Variants in CIMIP2B observed in about 807,000 individuals in gnomAD.
The protein encoded by CIMIP2B is family with sequence similarity 166 member B.
the CIMIP2B span, chr9:35,563,617 C>T: frequency 1.3e-6 from 1 of 753,202 alleles, no homozygotes; most frequent in Non-Finnish European, 2.2e-6. Context: ...CTCACTAGTC[C>T]CTTGCTTCTC....
the CIMIP2B span, chr9:35,563,122 C>G: frequency 5.0e-6 from 8 of 1,613,384 alleles, no homozygotes; most frequent in Non-Finnish European, 6.8e-6. Flanking sequence ...GTGTTTGGAA[C>G]ACATGCTCCT....
At chr9:35,562,183 C>A in the CIMIP2B span, 2 of 1,138,274 alleles carry the variant, frequency 1.8e-6, no homozygotes, top group Non-Finnish European at 1.2e-6. Context: ...CTCCAAACAG[C>A]CCTCTAAAAT....
the CIMIP2B span, chr9:35,562,047 G>A: frequency 2.0e-6 from 3 of 1,535,830 alleles, no homozygotes. Flanking sequence ...GAGGCCCAGA[G>A]CATCATGGGT....
the CIMIP2B span, chr9:35,562,731 A>G: frequency 7.4e-6 from 12 of 1,613,136 alleles, no homozygotes; most frequent in Non-Finnish European, 1.0e-5. Context: ...CTGTCACACA[A>G]TCTCCCAAGG....
At chr9:35,562,276 C>A in the CIMIP2B span, 10 of 1,096,596 alleles carry the variant, frequency 9.1e-6, no homozygotes, top group Non-Finnish European at 1.3e-5. Context: ...GATCTGAGCC[C>A]TCCCATATCT....
At chr9:35,563,526 G>A in the CIMIP2B span, 2 of 785,686 alleles carry the variant, frequency 2.5e-6, no homozygotes, top group Admixed American at 4.8e-5. Context: ...TAAGTTCTCT[G>A]CCTGGGCTTT....
chr9:35,562,946 C>T, the CIMIP2B span: 1 of 1,614,034 alleles, frequency 6.2e-7, no homozygotes, highest in Admixed American at 1.7e-5. Flanking sequence ...TTCTCTGTGT[C>T]CTTTCTTCCC....
chr9:35,562,906 A>G, the CIMIP2B span: 1 of 1,613,832 alleles, frequency 6.2e-7, no homozygotes, highest in Non-Finnish European at 8.5e-7. Context: ...CGGCTCCTCC[A>G]GCTGCCCCTC....
the CIMIP2B span, chr9:35,562,836 CCCA>C: frequency 6.2e-7 from 1 of 1,613,340 alleles, no homozygotes. Context: ...GACCCCCACT[CCCA>C]CACCTCTGCA....
chr9:35,562,604 C>A, the CIMIP2B span: 19 of 1,610,284 alleles, frequency 1.2e-5, no homozygotes, highest in Non-Finnish European at 1.5e-5. Flanking sequence ...GCCAAGGCAT[C>A]CTGGGGCCTC....
At chr9:35,562,141 A>G in the CIMIP2B span, 1 of 1,398,126 alleles carries the variant, frequency 7.2e-7, no homozygotes, top group Non-Finnish European at 9.6e-7. Context: ...TGGCATGGCA[A>G]AGCCATTTAA....
the CIMIP2B span, chr9:35,562,298 C>A: frequency 8.0e-7 from 1 of 1,245,378 alleles, no homozygotes; most frequent in Admixed American, 3.0e-5. Context: ...TTAGTTTCAA[C>A]CCCCACAAAC....
the CIMIP2B span, chr9:35,562,965 CT>C: frequency 6.2e-7 from 1 of 1,614,030 alleles, no homozygotes; most frequent in Non-Finnish European, 8.5e-7. Flanking sequence ...CCTTGGCCTC[CT>C]TTGGTAGCTC....
the CIMIP2B span, chr9:35,563,662 C>A: frequency 8.8e-7 from 1 of 1,136,942 alleles, no homozygotes; most frequent in Non-Finnish European, 1.3e-6. Context: ...CCTCAGCCTC[C>A]CAAACCAACC....
chr9:35,563,765 A>T, the CIMIP2B span: 1 of 1,613,496 alleles, frequency 6.2e-7, no homozygotes, highest in Non-Finnish European at 8.5e-7. Flanking sequence ...TGGGAGTCTT[A>T]CCCTGGGATA....
chr9:35,563,278 G>A, the CIMIP2B span: 1 of 1,613,962 alleles, frequency 6.2e-7, no homozygotes. Flanking sequence ...GCAGAAGTGT[G>A]CGGTGGACAG....
the CIMIP2B span, chr9:35,562,346 C>T: frequency 2.1e-6 from 3 of 1,437,440 alleles, no homozygotes; most frequent in Non-Finnish European, 2.8e-6. Context: ...ACAAACATTC[C>T]AGTCCCCAAA....
At chr9:35,563,414 C>A in the CIMIP2B span, 2 of 1,552,268 alleles carry the variant, frequency 1.3e-6, no homozygotes, top group Non-Finnish European at 1.8e-6. Flanking sequence ...CTCCCACTCA[C>A]CAGAATCGCC....
chr9:35,562,078 C>A, the CIMIP2B span: 3 of 1,534,778 alleles, frequency 2.0e-6, no homozygotes, highest in Non-Finnish European at 2.6e-6. Flanking sequence ...AATGTGTGGC[C>A]AAACTGGAAC....
Sources: allele counts gnomAD v4.1 joint callset, GRCh38; gene constraint gnomAD v4.1.1; transcripts MANE v1.5; gene names NCBI Gene and HGNC (gene_info 2026-07-23, HGNC 2026-07-21).